Variants in PTPRD observed in about 807,000 individuals in gnomAD.
The protein encoded by PTPRD is receptor-type tyrosine-protein phosphatase delta.
In PTPRD, 34 loss-of-function variants were observed where a neutral mutation model predicts 214.5. The ratio of observed to expected loss-of-function variants is 0.16; its 90% CI spans 0.12 to 0.21. The LOEUF (loss-of-function observed/expected upper bound fraction) is 0.21. Ranked by LOEUF, PTPRD falls within the 10% of genes least tolerant of loss-of-function variation. The pLI is 1.00. For synonymous variants in PTPRD, 1,128 were observed against 845.7 expected (o/e 1.33, Z -5.79); for missense variants, 2,545 against 2,398.7 (o/e 1.06, Z -1.27).
Position 8,454,272 on chromosome 9 carries a change from C to G in PTPRD, c.3876-4435G>C, listed in dbSNP as rs565276654. Among the ~76,000 whole-genome samples the G allele has an allele frequency of 3.2e-4, 48 of 152,322 alleles. 2 individuals are homozygous for G. In the South Asian group the frequency reaches 9.1e-3, roughly 29 times the overall value. On this transcript the variant is annotated intron_variant, in intron 33 of 45. Coordinates refer to ENST00000381196, the MANE Select transcript of PTPRD (RefSeq NM_002839.4). ...TTATGAGACACCTCACATGTCTGCT[C>G]TGTAAACACATCAACACACACAAAT...
At chr9:10,400,462 C>A (rs1435517567) in intron 2 of PTPRD, among the ~76,000 whole-genome samples, 1 of 151,458 alleles carries the variant, frequency 6.6e-6, no homozygotes, top group African/African-American at 2.4e-5. Flanking sequence ...AAATTGGTAA[C>A]AGGTAAGCCA....
chr9:9,009,056 C>T (rs1010324517), intron 11 of PTPRD, among the ~76,000 whole-genome samples: 3 of 152,134 alleles, frequency 2.0e-5, no homozygotes, highest in Non-Finnish European at 4.4e-5. Context: ...AACAACAAAA[C>T]CCATATAATC....
intron 3 of PTPRD, among the ~76,000 whole-genome samples, chr9:10,079,996 G>A (rs559790985): frequency 6.7e-6 from 1 of 149,062 alleles, no homozygotes; most frequent in South Asian, 2.1e-4. Flanking sequence ...ACTGTCAAAT[G>A]TGTGGACAGA....
intron 5 of PTPRD, among the ~76,000 whole-genome samples, chr9:9,858,056 G>T (rs1440349192): frequency 6.6e-6 from 1 of 152,110 alleles, no homozygotes; most frequent in Non-Finnish European, 1.5e-5. Context: ...ATCAGAACTT[G>T]ATACTCTTTT....
chr9:8,702,866 C>G (rs569197670), intron 12 of PTPRD, among the ~76,000 whole-genome samples: 127 of 152,316 alleles, frequency 8.3e-4, no homozygotes, highest in African/African-American at 3.0e-3. Context: ...CTCGGCCTCC[C>G]AAAGTGCTGG....
rs1310077361 is a variant in PTPRD, at chr9:8,317,302, T to TTTTG, written c.*568_*571dup. ...AAAATTCACTTTATCGAATGATACA[T>TTTTG]TTTGTTAAAAAAAAGTTTACACAGT... On this transcript the variant is annotated 3_prime_UTR_variant, in exon 46 of 46. Coordinates refer to ENST00000381196, the MANE Select transcript of PTPRD (RefSeq NM_002839.4). 2 of 232,252 alleles carry TTTTG rather than the reference T, an allele frequency of 8.6e-6. No homozygotes were observed. The allele number at this position is 232,252 out of a possible 1,614,324, so 14.4% of individuals were successfully genotyped here.
At chr9:8,980,603 C>T (rs2099307083) in intron 11 of PTPRD, among the ~76,000 whole-genome samples, 1 of 152,004 alleles carries the variant, frequency 6.6e-6, no homozygotes, top group South Asian at 2.1e-4. Context: ...TCAGAAAATT[C>T]CCCAAGGACA....
intron 3 of PTPRD, among the ~76,000 whole-genome samples, chr9:10,122,034 G>A (rs949205023): frequency 3.9e-5 from 6 of 152,146 alleles, no homozygotes; most frequent in South Asian, 2.1e-4. Context: ...TTGGCCTGGT[G>A]CGGTGGCTCA....
chr9:9,182,559 T>C (rs928617646), intron 10 of PTPRD, among the ~76,000 whole-genome samples: 2 of 152,050 alleles, frequency 1.3e-5, no homozygotes, highest in African/African-American at 4.8e-5. Flanking sequence ...AATATGGGAA[T>C]TGTTTATTTC....
intron 11 of PTPRD, among the ~76,000 whole-genome samples, chr9:8,764,275 T>G (rs2094573900): frequency 6.6e-6 from 1 of 152,296 alleles, no homozygotes; most frequent in South Asian, 2.1e-4. Context: ...CAAAGGGTGG[T>G]ATGAAAAGGC....
chr9:8,749,829 C>T (rs183276265), intron 11 of PTPRD, among the ~76,000 whole-genome samples: 33 of 152,118 alleles, frequency 2.2e-4, no homozygotes, highest in Admixed American at 5.9e-4. Flanking sequence ...CGGCTGGGTG[C>T]GGTGGCTTAC....
intron 11 of PTPRD, among the ~76,000 whole-genome samples, chr9:8,884,559 G>A (rs1472724179): frequency 6.6e-6 from 1 of 152,200 alleles, no homozygotes; most frequent in Admixed American, 6.5e-5. Context: ...GGAACCAAAA[G>A]GCACTATGGA....
intron 7 of PTPRD, among the ~76,000 whole-genome samples, chr9:9,593,337 A>G (rs79406149): frequency 0.051 from 7,654 of 150,800 alleles, 452 homozygotes; most frequent in African/African-American, 0.14. Flanking sequence ...TTGCAGAAGG[A>G]GTAAGAAATA....
chr9:9,833,541 A>G (rs1288813669), intron 5 of PTPRD, among the ~76,000 whole-genome samples: 1 of 151,112 alleles, frequency 6.6e-6, no homozygotes, highest in Non-Finnish European at 1.5e-5. Context: ...TTATCAGGAG[A>G]CAGGGTTTTG....
At chr9:9,334,454 A>C (rs543423186) in intron 9 of PTPRD, among the ~76,000 whole-genome samples, 2 of 152,022 alleles carry the variant, frequency 1.3e-5, no homozygotes, top group African/African-American at 4.8e-5. Context: ...TGGGGATTTC[A>C]TAATAGTTTC....
intron 3 of PTPRD, among the ~76,000 whole-genome samples, chr9:10,066,828 G>A (rs2097894879): frequency 6.6e-6 from 1 of 151,868 alleles, no homozygotes; most frequent in Admixed American, 6.6e-5. Flanking sequence ...ACTACTATGT[G>A]TACTCATATA....
chr9:10,189,303 A>G (rs2099352134), intron 3 of PTPRD, among the ~76,000 whole-genome samples: 2 of 152,160 alleles, frequency 1.3e-5, no homozygotes, highest in Admixed American at 1.3e-4. Flanking sequence ...ACATGTTCTC[A>G]TAAACATATG....
intron 6 of PTPRD, among the ~76,000 whole-genome samples, chr9:9,751,104 T>A (rs1746790): frequency 0.53 from 80,491 of 151,926 alleles, 24,489 homozygotes; most frequent in African/African-American, 0.82. Context: ...ATGCACACTC[T>A]TATCCACACA....
At chr9:9,019,324 GAA>G (rs1285867992) in intron 10 of PTPRD, among the ~76,000 whole-genome samples, 31 of 62,016 alleles carry the variant, frequency 5.0e-4, no homozygotes, top group African/African-American at 1.6e-3. Context: ...AAGAAAGAAA[GAA>G]AGAAAGAAAG....
Sources: gnomAD v4.1 joint callset for allele counts (sites outside exome capture counted in the v4.1 genomes callset) on GRCh38, gnomAD v4.1.1 for gene constraint, MANE v1.5 for transcripts, NCBI Gene and HGNC (gene_info 2026-07-23, HGNC 2026-07-21) for gene names.